TRIM9: variants seen among roughly 807,000 people sequenced by gnomAD.
The protein encoded by TRIM9 is tripartite motif containing 9, also known as E3 ubiquitin-protein ligase TRIM9.
In TRIM9, 26 loss-of-function variants were observed where a neutral mutation model predicts 78.3. The observed-to-expected ratio is 0.33, with a 90% CI of 0.24 to 0.46. TRIM9 has a LOEUF of 0.46. Among genes scored for constraint, TRIM9 ranks in the 20% least tolerant of loss-of-function variants. The probability of loss-of-function intolerance (pLI) is 1.00; values close to 1 mark genes in which losing one functional copy is unlikely to be tolerated. For synonymous variants in TRIM9, 398 were observed against 416.5 expected (o/e 0.96, Z 0.54); for missense variants, 787 against 1,036.4 (o/e 0.76, Z 3.30).
chr14:51,069,238 G>A (rs545438603), intron 1 of TRIM9, among the ~76,000 whole-genome samples: 1 of 152,168 alleles, frequency 6.6e-6, no homozygotes, highest in Non-Finnish European at 1.5e-5. Context: ...GCAGTCTCAG[G>A]AACAGAGAAA....
chr14:50,997,556 T>C, intron 7 of TRIM9: 2 of 997,214 alleles, frequency 2.0e-6, no homozygotes, highest in Non-Finnish European at 2.4e-6. Context: ...TCTAAACAGC[T>C]CTAGCACCCC....
rs1277596793 is a variant in TRIM9, at chr14:50,975,749, C to T, written c.*1542G>A. The T allele has an allele frequency of 6.6e-6, 1 of 152,606 alleles. No individual in the cohort carries two copies. The highest frequency in any genetic ancestry group is 1.5e-5 in the Non-Finnish European group (1 of 68,042). The allele number at this position is 152,606 out of a possible 1,614,324, so 9.5% of individuals were successfully genotyped here. ...TTTTCATGGTGAATTTCTTGGCTCA[C>T]TGAAAAATATTTAGACAACTAATTA... On this transcript the variant is annotated 3_prime_UTR_variant, in exon 13 of 13. Transcript: ENST00000684578.
chr14:50,990,788 C>T (rs921360062), intron 7 of TRIM9, among the ~76,000 whole-genome samples: 3 of 152,032 alleles, frequency 2.0e-5, no homozygotes, highest in Admixed American at 6.6e-5. Flanking sequence ...AGACATGTCA[C>T]GAAGAATTGT....
intron 1 of TRIM9, among the ~76,000 whole-genome samples, chr14:51,092,118 A>G (rs1440571006): frequency 6.6e-6 from 1 of 152,200 alleles, no homozygotes; most frequent in Non-Finnish European, 1.5e-5. Flanking sequence ...GACTATAATT[A>G]GCAGTTTAAA....
At chr14:50,999,541 A>C (rs12323589) in intron 6 of TRIM9, among the ~76,000 whole-genome samples, 129,511 of 152,180 alleles carry the variant, frequency 0.85, 55,370 homozygotes, top group African/African-American at 0.89. Flanking sequence ...GTAGAAGACA[A>C]GGCCCCTGCT....
chr14:51,064,185 T>C (rs1445640955), intron 1 of TRIM9, among the ~76,000 whole-genome samples: 2 of 152,108 alleles, frequency 1.3e-5, no homozygotes, highest in African/African-American at 2.4e-5. Flanking sequence ...ACTGTGTATA[T>C]TGACTATGAT....
intron 1 of TRIM9, among the ~76,000 whole-genome samples, chr14:51,066,076 GGAA>G (rs1566631015): frequency 2.3e-5 from 3 of 130,706 alleles, no homozygotes; most frequent in African/African-American, 8.8e-5. Flanking sequence ...AAGGAAGGAA[GGAA>G]GGAAGGAAGG....
chr14:51,047,512 T>C (rs2060042321), intron 1 of TRIM9, among the ~76,000 whole-genome samples: 1 of 152,148 alleles, frequency 6.6e-6, no homozygotes, highest in African/African-American at 2.4e-5. Context: ...TATTATAAAG[T>C]TAGAAACCAA....
chr14:51,047,576 G>C (rs955340041), intron 1 of TRIM9, among the ~76,000 whole-genome samples: 5 of 152,216 alleles, frequency 3.3e-5, no homozygotes, highest in African/African-American at 9.7e-5. Context: ...AAATGTTCAT[G>C]ATGCACCTAA....
Position 51,094,269 on chromosome 14 carries a change from C to T in TRIM9, c.671G>A (p.Arg224His). ...QGRVSRRLSP[R>H]KVSTCTDHEL... Reference sequence around the variant, plus strand: ...GTGGTCTGTGCAGGTGGAGACCTTGCGTGGGCTCAGCCTCCGGCTCACACG... The same window carrying T: ...GTGGTCTGTGCAGGTGGAGACCTTGTGTGGGCTCAGCCTCCGGCTCACACG... The change falls in exon 1 of 13, where the codon CGC becomes CAC. Residue 224 changes from arginine (R) to histidine (H), a missense_variant. Physicochemically the swap from Arg to His is conservative, Grantham distance 29. Coordinates refer to ENST00000684578, the MANE Select transcript of TRIM9 (RefSeq NM_001387360.1). 6.2e-7 allele frequency: 1 copy of T among 1,614,116 alleles called. No homozygotes were observed. Among genetic ancestry groups the T allele is most frequent in the Non-Finnish European group, 8.5e-7 (1 of 1,180,006 alleles).
chr14:51,038,412 C>T (rs1025155852), intron 1 of TRIM9, among the ~76,000 whole-genome samples: 3 of 152,156 alleles, frequency 2.0e-5, no homozygotes, highest in African/African-American at 7.2e-5. Flanking sequence ...AAACCTAACA[C>T]ACCTGAGAAG....
chr14:50,984,868 CAT>C (rs1268980319), intron 8 of TRIM9, among the ~76,000 whole-genome samples: 2 of 152,138 alleles, frequency 1.3e-5, no homozygotes, highest in Admixed American at 1.3e-4. Context: ...AAAAGAGTTT[CAT>C]AACAAAGCAT....
chr14:51,051,198 TA>T (rs1237575896), intron 1 of TRIM9, among the ~76,000 whole-genome samples: 1 of 152,228 alleles, frequency 6.6e-6, no homozygotes, highest in African/African-American at 2.4e-5. Flanking sequence ...CCCAGATAAC[TA>T]TAGGAAACCT....
chr14:51,058,253 C>T (rs1229587844), intron 1 of TRIM9, among the ~76,000 whole-genome samples: 1 of 152,144 alleles, frequency 6.6e-6, no homozygotes, highest in Admixed American at 6.5e-5. Context: ...AAGTTCATTC[C>T]AGACATGACC....
chr14:51,090,383 C>T (rs1326107916), intron 1 of TRIM9, among the ~76,000 whole-genome samples: 1 of 152,000 alleles, frequency 6.6e-6, no homozygotes. Context: ...ATATTTTTCT[C>T]CAGGATATTT....
At chr14:51,005,306 C>T (rs2055629153) in intron 5 of TRIM9, among the ~76,000 whole-genome samples, 1 of 152,116 alleles carries the variant, frequency 6.6e-6, no homozygotes, top group Non-Finnish European at 1.5e-5. Flanking sequence ...TTATATTCAA[C>T]TTGAGTCAAT....
At chr14:51,085,071 G>A (rs1221189662) in intron 1 of TRIM9, among the ~76,000 whole-genome samples, 1 of 152,172 alleles carries the variant, frequency 6.6e-6, no homozygotes, top group Non-Finnish European at 1.5e-5. Context: ...GACAGCGCAG[G>A]CCAGAACAGT....
chr14:50,988,430 G>A (rs987652328), intron 7 of TRIM9: 2 of 152,180 alleles, frequency 1.3e-5, no homozygotes, highest in Admixed American at 6.5e-5. Context: ...GGTTATTCAC[G>A]GGATTAGTAA....
intron 2 of TRIM9, among the ~76,000 whole-genome samples, chr14:51,023,550 C>T (rs1011814169): frequency 6.6e-6 from 1 of 152,122 alleles, no homozygotes; most frequent in African/African-American, 2.4e-5. Flanking sequence ...AGATATGACC[C>T]AACACCTTGC....
Sources: allele counts gnomAD v4.1 joint callset (sites outside exome capture counted in the v4.1 genomes callset), GRCh38; gene constraint gnomAD v4.1.1; transcripts MANE v1.5; gene names NCBI Gene and HGNC (gene_info 2026-07-23, HGNC 2026-07-21).